The following ZNF207 variants were observed in gnomAD, a reference collection of about 807,000 sequenced individuals.
The protein encoded by ZNF207 is BUB3-interacting and GLEBS motif-containing protein ZNF207.
ZNF207 carries 24 observed loss-of-function variants against 60.2 expected under a neutral mutation model. The observed-to-expected ratio is 0.40, with a 90% CI of 0.29 to 0.56. The LOEUF (loss-of-function observed/expected upper bound fraction) is 0.56, where lower values mean the gene tolerates loss of function less well. ZNF207 is among the 20% of genes least tolerant of loss of function. The pLI, the probability that ZNF207 is intolerant of heterozygous loss-of-function variation, is 0.49. For missense variants in ZNF207, 452 were observed against 636.6 expected, an observed-to-expected ratio of 0.71 and a Z score of 3.12; for synonymous variants, 236 against 194.7, an observed-to-expected ratio of 1.21 and a Z score of -1.77.
At position 32,355,656 on chromosome 17, in the gene ZNF207, A is replaced by C. The variant is rs114074985; in HGVS notation, c.169-2847A>C. Among the ~76,000 whole-genome samples the C allele has an allele frequency of 3.9e-3, 591 of 152,318 alleles. 6 individuals are homozygous for C. Among genetic ancestry groups the C allele is most frequent in the African/African-American group, 0.014 (576 of 41,572 alleles). ...ACCAGATGTCCTTTGTAAGGACTGT[A>C]GTGTGGTTGGAAATTAGGTGCTCTC... On this transcript the variant is annotated intron_variant, in intron 2 of 11. Coordinates refer to ENST00000394670, the MANE Select transcript of ZNF207 (RefSeq NM_001098507.2).
chr17:32,373,318 T>TA lies in ZNF207; in HGVS notation c.*3570dup, dbSNP rs889506926. On this transcript the variant is annotated 3_prime_UTR_variant, in exon 12 of 12. Coordinates refer to ENST00000394670, the MANE Select transcript of ZNF207 (RefSeq NM_001098507.2). ...TTGCTTGCTTGATCATTGGGATTTT[T>TA]AAAAAAAAAAATTTTAATGCATGTC... is the stretch of plus-strand genomic sequence containing the variant. The TA allele has an allele frequency of 8.3e-3, 4,494 of 539,996 alleles. 1 individual carries two copies. Among genetic ancestry groups the TA allele is most frequent in the South Asian group, 0.016 (749 of 46,952 alleles). 33.5% of individuals were successfully genotyped at this position (539,996 alleles called of 1,614,324 possible). A position where few individuals can be genotyped will look rare whatever the true frequency, so the allele number is the denominator to read the frequency against.
At chr17:32,362,681 T>C in intron 6 of ZNF207, 1 of 412,984 alleles carries the variant, frequency 2.4e-6, no homozygotes, top group East Asian at 3.8e-5. Context: ...TTTAAATGTT[T>C]TGTCAACATT....
intron 1 of ZNF207, chr17:32,351,501 G>C (rs953479692): frequency 6.7e-7 from 1 of 1,491,952 alleles, no homozygotes; most frequent in Non-Finnish European, 8.9e-7. Flanking sequence ...TATAACAAAA[G>C]TTTCACCGAC....
In ZNF207 at chr17:32,360,738, G is replaced by C; in HGVS notation, c.448G>C (p.Val150Leu). Residue 150 changes from valine to leucine, a missense_variant, in exon 4 of 12, where the codon GTA becomes CTA. Coordinates refer to ENST00000394670, the MANE Select transcript of ZNF207 (RefSeq NM_001098507.2). ...AATGGCACAGCCAGGACTGCCACCA[G>C]TACCAGGAGCACCAGGAATGCCTCC... ...PPMAQPGLPP[V>L]PGAPGMPPGI... The C allele has an allele frequency of 1.2e-6, 2 of 1,614,078 alleles. No homozygotes were observed. Among genetic ancestry groups the C allele is most frequent in the Non-Finnish European group, 1.7e-6 (2 of 1,180,018 alleles).
At position 32,351,832 on chromosome 17, in the gene ZNF207, CA is replaced by C; in HGVS notation, c.93del (p.Ala32GlnfsTer19). On this transcript the variant is annotated frameshift_variant, in exon 2 of 12. Transcript: ENST00000394670. LOFTEE classifies it high-confidence loss of function. ...TGATGAGAAGATCCTTATTCAGCAC[CA>C]AAAAGCAAAGCATTTTAAATGCCAT... Reference protein sequence around the residue: ...FDDEKILIQHQKAKHFKCHIC... With the variant: ...FDDEKILIQHXKAKHFKCHIC... The C allele has an allele frequency of 6.2e-7, 1 of 1,610,226 alleles. No homozygotes were observed. The highest frequency in any genetic ancestry group is 8.5e-7 in the Non-Finnish European group (1 of 1,177,766).
chr17:32,351,982 T>A, intron 2 of ZNF207, 70 bp downstream of exon 2: 1 of 1,441,192 alleles, frequency 6.9e-7, no homozygotes, highest in Non-Finnish European at 9.2e-7. Flanking sequence ...TAATCTTTTT[T>A]ATTTTTTTGA....
intron 2 of ZNF207, among the ~76,000 whole-genome samples, chr17:32,352,167 A>G (rs2041520344): frequency 6.6e-6 from 1 of 152,044 alleles, no homozygotes; most frequent in Non-Finnish European, 1.5e-5. Context: ...CTGGGGTTTC[A>G]CCATGTTGGC....
chr17:32,356,156 C>T (rs977065956), intron 2 of ZNF207, among the ~76,000 whole-genome samples: 1 of 152,012 alleles, frequency 6.6e-6, no homozygotes, highest in Non-Finnish European at 1.5e-5. Context: ...TAGGTGGTTC[C>T]CTGCAGTTTC....
At position 32,381,203 on chromosome 17, in the gene ZNF207, A is replaced by C. The variant is rs1459340141; in HGVS notation, c.*11444A>C. ...AGGTTAGTAAAGGGACCTGTCTGTC[A>C]GGTCAATCTTCGGTCTTCACTTTTA... On this transcript the variant is annotated 3_prime_UTR_variant, in exon 12 of 12. Transcript: ENST00000394670. The C allele has an allele frequency of 6.6e-6, 1 of 152,234 alleles. No individual in the cohort carries two copies. The highest frequency in any genetic ancestry group is 1.5e-5 in the Non-Finnish European group (1 of 68,042). 9.4% of individuals were successfully genotyped at this position (152,234 alleles called of 1,614,324 possible).
chr17:32,375,301 A>G lies in ZNF207; in HGVS notation c.*5542A>G, dbSNP rs1417818235. ...ATAACCTCAGTAATCAACATTTAAG[A>G]GTCCTTAATTGGAGATCTGTTTTCT... On this transcript the variant is annotated 3_prime_UTR_variant, in exon 12 of 12. Transcript: ENST00000394670. 1 of 152,198 alleles carries G rather than the reference A, an allele frequency of 6.6e-6. No individual in the cohort carries two copies. Among genetic ancestry groups the G allele is most frequent in the Non-Finnish European group, 1.5e-5 (1 of 68,010 alleles). 9.4% of individuals were successfully genotyped at this position (152,198 alleles called of 1,614,324 possible).
intron 6 of ZNF207, 113 bp from the exon 7 acceptor site, chr17:32,362,801 G>T: frequency 1.5e-6 from 1 of 686,462 alleles, no homozygotes; most frequent in South Asian, 2.3e-5. Flanking sequence ...TTCAGTATTA[G>T]AGGTCAGATT....
In ZNF207 at chr17:32,369,394, A is replaced by G. The variant is rs766519008; in HGVS notation, c.1264A>G (p.Met422Val). Reference sequence around the variant, plus strand: ...ACCAGTTGGACCAATTGGAGGTATGATGCCACCACAGCCAGGCATCCCACA... The same window carrying G: ...ACCAGTTGGACCAATTGGAGGTATGGTGCCACCACAGCCAGGCATCCCACA... The part of the protein sequence containing the change: ...NPPVGPIGGM[M>V]PPQPGIPQQQ... The change falls in exon 11 of 12, where the codon ATG (methionine) becomes GTG (valine). Residue 422 changes from methionine (M) to valine (V), a missense_variant. This residue lies in a region of ZNF207 where 390 missense variants were observed against 461.4 expected (regional missense o/e 0.85). Transcript: ENST00000394670. 2 of 1,614,054 alleles carry G rather than the reference A, an allele frequency of 1.2e-6. No individual in the cohort carries two copies. The highest frequency in any genetic ancestry group is 1.7e-6 in the Non-Finnish European group (2 of 1,180,034).
intron 3 of ZNF207, among the ~76,000 whole-genome samples, 191 bp downstream of exon 3, chr17:32,358,832 G>A (rs1328919742): frequency 1.3e-5 from 2 of 151,886 alleles, no homozygotes; most frequent in Non-Finnish European, 2.9e-5. Flanking sequence ...GTCTTGCTCT[G>A]TTGCCAGGCT....
At chr17:32,350,616 C>T (rs886519913) in intron 1 of ZNF207, among the ~76,000 whole-genome samples, 7 of 152,142 alleles carry the variant, frequency 4.6e-5, no homozygotes, top group South Asian at 2.1e-4. Flanking sequence ...GGGACAGTGT[C>T]CCCTAGGGAC....
At chr17:32,358,682 T>G in intron 3 of ZNF207, 41 bp downstream of exon 3, 1 of 1,347,840 alleles carries the variant, frequency 7.4e-7, no homozygotes, top group African/African-American at 1.5e-5. Flanking sequence ...ATTTATTTTT[T>G]TTAATTTTTT....
At chr17:32,369,169 T>C (rs1905346585) in intron 10 of ZNF207, 126 bp from the exon 11 acceptor site, 1 of 990,262 alleles carries the variant, frequency 1.0e-6, no homozygotes. Context: ...CAAAAGTAAA[T>C]AGTTGGGATG....
chr17:32,366,738 T>A lies in ZNF207; in HGVS notation c.902T>A (p.Leu301Gln). 1 of 1,610,774 alleles carries A rather than the reference T, an allele frequency of 6.2e-7. No individual in the cohort carries two copies. The highest frequency in any genetic ancestry group is 1.1e-5 in the South Asian group (1 of 90,536). ...AGTCTGTCTGCATCTTCTAAAGCTC[T>A]GTTTCCTAGCACAGCACAAGTACGC... ...SESLSASSKA[L>Q]FPSTAQAQAA... is the part of the protein sequence containing the mutation. The change falls in exon 9 of 12, where the codon CTG becomes CAG. Residue 301 changes from leucine to glutamine, a missense_variant. By Grantham distance (113) the Leu-to-Gln change is moderately radical (BLOSUM62 -2). This residue lies in a region of ZNF207 where 390 missense variants were observed against 461.4 expected (regional missense o/e 0.85). Transcript: ENST00000394670.
chr17:32,355,492 A>G (rs1405582659), intron 2 of ZNF207, among the ~76,000 whole-genome samples: 3 of 152,220 alleles, frequency 2.0e-5, no homozygotes, highest in Non-Finnish European at 2.9e-5. Context: ...GAGTGTAGGT[A>G]TGTTTGAGGT....
At chr17:32,367,649 TATTA>T in intron 9 of ZNF207, 119 bp from the exon 10 acceptor site, 10 of 1,270,626 alleles carry the variant, frequency 7.9e-6, no homozygotes, top group South Asian at 4.5e-5. Flanking sequence ...ATTAACTTTG[TATTA>T]ATTTCATTTA....
Sources: gnomAD v4.1 joint callset for allele counts (sites outside exome capture counted in the v4.1 genomes callset) on GRCh38, gnomAD v4.1.1 for gene constraint, gnomAD v4.1.1 regional missense constraint, MANE v1.5 for transcripts, NCBI Gene and HGNC (gene_info 2026-07-23, HGNC 2026-07-21) for gene names.